The following PLEKHM3 variants were observed in gnomAD, a reference collection of about 807,000 sequenced individuals.
The protein encoded by PLEKHM3 is pleckstrin homology domain-containing family M member 3.
Under a neutral mutation model 81.8 loss-of-function variants are expected in PLEKHM3, and 45 were observed. The observed-to-expected ratio is 0.55, with a 90% CI of 0.43 to 0.71. The LOEUF is 0.71. Ranked by LOEUF, PLEKHM3 falls within the 30% of genes least tolerant of loss-of-function variation. The probability of loss-of-function intolerance (pLI) is 0.00; values close to 1 mark genes in which losing one functional copy is unlikely to be tolerated. For synonymous variants in PLEKHM3, 352 were observed against 356.4 expected, an observed-to-expected ratio of 0.99 and a Z score of 0.14; for missense variants, 788 against 924.3, an observed-to-expected ratio of 0.85 and a Z score of 1.91.
chr2:207,961,883 T>C (rs1690746497), intron 3 of PLEKHM3, among the ~76,000 whole-genome samples: 1 of 152,230 alleles, frequency 6.6e-6, no homozygotes, highest in African/African-American at 2.4e-5. Context: ...AGCTTCCTCA[T>C]TCTGTGGGGG....
intron 6 of PLEKHM3, among the ~76,000 whole-genome samples, chr2:207,885,475 A>G (rs534901330): frequency 1.3e-5 from 2 of 152,342 alleles, no homozygotes; most frequent in Non-Finnish European, 2.9e-5. Context: ...CCGATGTAAA[A>G]TACTGTGTTC....
chr2:207,886,747 T>C (rs575818023), intron 6 of PLEKHM3, among the ~76,000 whole-genome samples: 1 of 152,372 alleles, frequency 6.6e-6, no homozygotes, highest in African/African-American at 2.4e-5. Flanking sequence ...TCTCATTATG[T>C]AATTCAATGT....
At chr2:207,959,313 T>C (rs984563619) in intron 3 of PLEKHM3, among the ~76,000 whole-genome samples, 1 of 152,106 alleles carries the variant, frequency 6.6e-6, no homozygotes, top group African/African-American at 2.4e-5. Context: ...CACTACTAAC[T>C]CTCTTTTTGT....
intron 4 of PLEKHM3, among the ~76,000 whole-genome samples, chr2:207,934,686 A>T (rs1476537053): frequency 6.6e-6 from 1 of 152,176 alleles, no homozygotes; most frequent in Non-Finnish European, 1.5e-5. Flanking sequence ...AGGTGGAGAA[A>T]ATGGTAAAAT....
intron 6 of PLEKHM3, among the ~76,000 whole-genome samples, chr2:207,879,577 C>T (rs1207653595): frequency 6.6e-6 from 1 of 152,230 alleles, no homozygotes; most frequent in African/African-American, 2.4e-5. Context: ...AAGTCTTTGA[C>T]CAGACCGGGT....
chr2:207,823,033 T>G lies in PLEKHM3; in HGVS notation c.*5286A>C, dbSNP rs370502197. The G allele has an allele frequency of 1.3e-5, 2 of 152,008 alleles. No homozygotes were observed. Among genetic ancestry groups the G allele is most frequent in the African/African-American group, 4.8e-5 (2 of 41,348 alleles). 9.4% of individuals were successfully genotyped at this position (152,008 alleles called of 1,614,324 possible). On this transcript the variant is annotated 3_prime_UTR_variant, in exon 8 of 8. Transcript: ENST00000427836. ...CAATAGGAGGGAGCCCTCCTAAGAG[T>G]TAGGAGTTGCTGTGAGTTGCTGTAG...
intron 6 of PLEKHM3, among the ~76,000 whole-genome samples, chr2:207,864,389 G>A (rs2092484618): frequency 1.3e-5 from 2 of 152,184 alleles, no homozygotes; most frequent in Admixed American, 6.5e-5. Flanking sequence ...TTTTTAATGC[G>A]TGATGGGGTT....
intron 6 of PLEKHM3, among the ~76,000 whole-genome samples, chr2:207,877,550 G>A (rs879892086): frequency 1.1e-4 from 16 of 152,228 alleles, no homozygotes; most frequent in East Asian, 3.9e-4. Context: ...CTCACAGTCC[G>A]TTTTCTTAAG....
intron 7 of PLEKHM3, among the ~76,000 whole-genome samples, chr2:207,830,170 G>A (rs1371737223): frequency 6.6e-6 from 1 of 152,178 alleles, no homozygotes; most frequent in Non-Finnish European, 1.5e-5. Flanking sequence ...GAAACATACA[G>A]GTGGTGAGGC....
intron 7 of PLEKHM3, among the ~76,000 whole-genome samples, chr2:207,833,635 C>T (rs998234477): frequency 1.3e-5 from 2 of 152,130 alleles, no homozygotes; most frequent in African/African-American, 4.8e-5. Flanking sequence ...TAGCAGCATC[C>T]CTGGCCTCTC....
chr2:207,871,544 T>TA lies in PLEKHM3; in HGVS notation c.1951-10283dup, dbSNP rs575032269. Among the ~76,000 whole-genome samples, 461 of 152,298 alleles carry TA rather than the reference T, an allele frequency of 3.0e-3. 7 individuals carry two copies. Among genetic ancestry groups the TA allele is most frequent in the African/African-American group, 0.011 (439 of 41,560 alleles). Reference sequence around the variant, plus strand: ...ACTAGGTCTTAGGGAATAAAAGATTTAAAAAATTTCAATTTCATTTTTCTC... The same window carrying TA: ...ACTAGGTCTTAGGGAATAAAAGATTTAAAAAAATTTCAATTTCATTTTTCTC... On this transcript the variant is annotated intron_variant, in intron 6 of 7. Coordinates refer to ENST00000427836, the MANE Select transcript of PLEKHM3 (RefSeq NM_001080475.3).
intron 4 of PLEKHM3, among the ~76,000 whole-genome samples, chr2:207,936,453 C>T (rs975365780): frequency 6.6e-6 from 1 of 152,172 alleles, no homozygotes; most frequent in Non-Finnish European, 1.5e-5. Flanking sequence ...TACACTCTTG[C>T]TTTAGACATA....
At chr2:207,988,681 T>C (rs561709878) in intron 2 of PLEKHM3, among the ~76,000 whole-genome samples, 2 of 152,304 alleles carry the variant, frequency 1.3e-5, no homozygotes, top group African/African-American at 4.8e-5. Flanking sequence ...ACTGTGTCTA[T>C]TAAAAAATTA....
At chr2:207,938,051 T>G (rs191021468) in intron 4 of PLEKHM3, among the ~76,000 whole-genome samples, 298 of 152,324 alleles carry the variant, frequency 2.0e-3, no homozygotes, top group African/African-American at 6.8e-3. Flanking sequence ...TAGGAAATGG[T>G]TTATGTAACA....
intron 3 of PLEKHM3, among the ~76,000 whole-genome samples, chr2:207,949,232 A>G (rs1207066466): frequency 6.6e-6 from 1 of 152,210 alleles, no homozygotes; most frequent in African/African-American, 2.4e-5. Flanking sequence ...TAAGAACTAT[A>G]TATTACCCAT....
chr2:207,834,064 A>T (rs2092303508), intron 7 of PLEKHM3, among the ~76,000 whole-genome samples: 1 of 152,206 alleles, frequency 6.6e-6, no homozygotes, highest in South Asian at 2.1e-4. Context: ...TTAAGAAGTC[A>T]ATATCAGTGA....
chr2:207,865,059 G>T (rs568256217), intron 6 of PLEKHM3, among the ~76,000 whole-genome samples: 4 of 152,096 alleles, frequency 2.6e-5, no homozygotes, highest in South Asian at 2.1e-4. Context: ...GATTCTTTTG[G>T]TTTTTCTAGT....
At chr2:207,920,849 G>A (rs962152908) in intron 5 of PLEKHM3, among the ~76,000 whole-genome samples, 27 of 152,236 alleles carry the variant, frequency 1.8e-4, no homozygotes, top group Admixed American at 1.6e-3. Context: ...AAATGCATTT[G>A]CTAGCACTAA....
At chr2:207,931,870 G>A (rs976784150) in intron 4 of PLEKHM3, among the ~76,000 whole-genome samples, 2 of 152,226 alleles carry the variant, frequency 1.3e-5, no homozygotes, top group South Asian at 2.1e-4. Context: ...CTACTTGGGA[G>A]GTTAAGGCGG....
Sources: allele counts gnomAD v4.1 joint callset (sites outside exome capture counted in the v4.1 genomes callset), GRCh38; gene constraint gnomAD v4.1.1; transcripts MANE v1.5; gene names NCBI Gene and HGNC (gene_info 2026-07-23, HGNC 2026-07-21).